LDLRAD3: variants seen among roughly 807,000 people sequenced by gnomAD.
LDLRAD3 encodes the protein low-density lipoprotein receptor class A domain-containing protein 3.
Under a neutral mutation model 29.4 loss-of-function variants are expected in LDLRAD3, and 20 were observed. The observed-to-expected ratio is 0.68, with a 90% CI of 0.48 to 0.99. The LOEUF (loss-of-function observed/expected upper bound fraction) is 0.99, where lower values mean the gene tolerates loss of function less well. Ranked by LOEUF, LDLRAD3 falls within the 50% of genes least tolerant of loss-of-function variation. The probability of loss-of-function intolerance (pLI) is 0.00; values close to 1 mark genes in which losing one functional copy is unlikely to be tolerated. For missense variants in LDLRAD3, 420 were observed against 454.3 expected, an observed-to-expected ratio of 0.92 and a Z score of 0.69; for synonymous variants, 157 against 192.7, an observed-to-expected ratio of 0.81 and a Z score of 1.53.
chr11:36,091,755 G>A (rs1853284643), intron 3 of LDLRAD3, among the ~76,000 whole-genome samples: 1 of 152,180 alleles, frequency 6.6e-6, no homozygotes, highest in Admixed American at 6.5e-5. Flanking sequence ...CGAGGACAAA[G>A]AAAACAAACA....
chr11:36,005,998 G>A (rs977006476), intron 1 of LDLRAD3, among the ~76,000 whole-genome samples: 7 of 152,060 alleles, frequency 4.6e-5, no homozygotes, highest in Admixed American at 1.3e-4. Context: ...CCTCCAATTC[G>A]ACATGAGATT....
chr11:36,201,803 A>G (rs965793067), intron 4 of LDLRAD3, among the ~76,000 whole-genome samples: 1 of 152,230 alleles, frequency 6.6e-6, no homozygotes, highest in African/African-American at 2.4e-5. Context: ...TAAAAGAGGC[A>G]GTTGCTGGAA....
intron 1 of LDLRAD3, among the ~76,000 whole-genome samples, chr11:36,018,546 T>TA (rs145743971): frequency 0.036 from 5,481 of 152,112 alleles, 342 homozygotes; most frequent in African/African-American, 0.13. Flanking sequence ...ATGCTATAAA[T>TA]AAAAAAAACC....
intron 4 of LDLRAD3, among the ~76,000 whole-genome samples, chr11:36,207,511 A>T (rs1329657096): frequency 6.6e-6 from 1 of 152,138 alleles, no homozygotes; most frequent in South Asian, 2.1e-4. Context: ...ATTAGCCGGC[A>T]TGGTGGCATG....
intron 1 of LDLRAD3, among the ~76,000 whole-genome samples, chr11:35,953,547 T>G (rs1851163907): frequency 6.6e-6 from 1 of 152,208 alleles, no homozygotes; most frequent in African/African-American, 2.4e-5. Context: ...TACTGGAACA[T>G]TTTCCTTCAG....
intron 1 of LDLRAD3, among the ~76,000 whole-genome samples, chr11:36,016,579 A>G (rs1351961344): frequency 1.3e-5 from 2 of 152,164 alleles, no homozygotes; most frequent in Admixed American, 6.5e-5. Flanking sequence ...CGCTTTCGTA[A>G]GTTCTCCAGG....
chr11:36,227,557 C>T, intron 5 of LDLRAD3, 127 bp downstream of exon 5: 1 of 668,890 alleles, frequency 1.5e-6, no homozygotes, highest in Admixed American at 3.7e-5. Context: ...GCAGTGGCAG[C>T]ATCTGACATT....
intron 1 of LDLRAD3, among the ~76,000 whole-genome samples, chr11:35,990,248 T>C (rs140805104): frequency 6.6e-6 from 1 of 152,318 alleles, no homozygotes; most frequent in East Asian, 1.9e-4. Flanking sequence ...CAGTGGACAC[T>C]TTACTCTCTC....
At chr11:35,993,290 G>C (rs977125352) in intron 1 of LDLRAD3, among the ~76,000 whole-genome samples, 2 of 152,188 alleles carry the variant, frequency 1.3e-5, no homozygotes, top group African/African-American at 4.8e-5. Flanking sequence ...TTCACCTATA[G>C]TGTGAATTGC....
chr11:36,195,626 T>C (rs1565295330), intron 4 of LDLRAD3, among the ~76,000 whole-genome samples: 1 of 152,210 alleles, frequency 6.6e-6, no homozygotes, highest in Non-Finnish European at 1.5e-5. Flanking sequence ...AAAGCCAGAC[T>C]AAAGGGCTGC....
intron 1 of LDLRAD3, among the ~76,000 whole-genome samples, chr11:35,982,581 A>G (rs1260243978): frequency 3.3e-5 from 5 of 152,158 alleles, no homozygotes; most frequent in African/African-American, 1.2e-4. Context: ...TAGCCTACTC[A>G]TGAAGCCATG....
intron 4 of LDLRAD3, among the ~76,000 whole-genome samples, chr11:36,142,796 A>G (rs1854105997): frequency 1.3e-5 from 2 of 152,162 alleles, no homozygotes; most frequent in South Asian, 4.1e-4. Flanking sequence ...CAGGTTATCT[A>G]AAGGAGCCAG....
Position 36,229,624 on chromosome 11 carries a change from C to CG in LDLRAD3, c.*227_*228insG. ...GCGTCTTTTCTGTCAGGTCACTCTT[C>CG]CCTTGGGACCCGAGATCACACCCTC... On this transcript the variant is annotated 3_prime_UTR_variant, in exon 6 of 6. Coordinates refer to ENST00000315571, the MANE Select transcript of LDLRAD3 (RefSeq NM_174902.4). 1 of 497,802 alleles carries CG rather than the reference C, an allele frequency of 2.0e-6. No individual in the cohort carries two copies. Among genetic ancestry groups the CG allele is most frequent in the Non-Finnish European group, 3.6e-6 (1 of 280,634 alleles). The allele number at this position is 497,802 out of a possible 1,614,324, so 30.8% of individuals were successfully genotyped here. A position where few individuals can be genotyped will look rare whatever the true frequency, so the allele number is the denominator to read the frequency against.
At position 36,029,923 on chromosome 11, in the gene LDLRAD3, G is replaced by T. The variant is rs960922331; in HGVS notation, c.47-6180G>T. 2.0e-5 allele frequency among the ~76,000 whole-genome samples: 3 copies of T among 152,156 alleles called. No individual in the cohort carries two copies. The South Asian group carries it at 6.2e-4, about 32-fold the overall frequency. On this transcript the variant is annotated intron_variant, in intron 1 of 5. Coordinates refer to ENST00000315571, the MANE Select transcript of LDLRAD3 (RefSeq NM_174902.4). ...CATCAGTTGTTCCTGCTGCAGAATT[G>T]CACACCATCTTCTTTTAGGGTCATA...
At chr11:35,980,286 T>C (rs1851524514) in intron 1 of LDLRAD3, among the ~76,000 whole-genome samples, 1 of 152,326 alleles carries the variant, frequency 6.6e-6, no homozygotes, top group African/African-American at 2.4e-5. Context: ...AGAATTACTG[T>C]GCTGGCATTT....
intron 1 of LDLRAD3, among the ~76,000 whole-genome samples, chr11:35,983,653 CAG>C (rs1851571973): frequency 6.6e-6 from 1 of 152,308 alleles, no homozygotes; most frequent in East Asian, 1.9e-4. Context: ...GTTTTTTAGA[CAG>C]AGTCTTGCTC....
chr11:36,085,348 G>GT (rs397815799), intron 3 of LDLRAD3, among the ~76,000 whole-genome samples: 59,424 of 140,790 alleles, frequency 0.42, 12,224 homozygotes, highest in Non-Finnish European at 0.45. Flanking sequence ...GCTTTGAACT[G>GT]TTTTTTTTTT....
At chr11:36,136,476 G>A (rs1854005482) in intron 4 of LDLRAD3, among the ~76,000 whole-genome samples, 1 of 152,164 alleles carries the variant, frequency 6.6e-6, no homozygotes, top group African/African-American at 2.4e-5. Flanking sequence ...GCTTGGTGCT[G>A]TCTCTATGAT....
intron 4 of LDLRAD3, among the ~76,000 whole-genome samples, chr11:36,207,561 G>T (rs1156267599): frequency 1.3e-5 from 2 of 152,054 alleles, no homozygotes; most frequent in Admixed American, 6.6e-5. Context: ...GAGGCAGGAG[G>T]ATCACCTAAG....
Sources: gnomAD v4.1 joint callset for allele counts (sites outside exome capture counted in the v4.1 genomes callset) on GRCh38, gnomAD v4.1.1 for gene constraint, MANE v1.5 for transcripts, NCBI Gene and HGNC (gene_info 2026-07-23, HGNC 2026-07-21) for gene names.